ARHGAP10: variants seen among roughly 807,000 people sequenced by gnomAD.
ARHGAP10 encodes the protein Rho GTPase activating protein 10.
A neutral mutation model predicts 108.6 loss-of-function variants in ARHGAP10; 87 were observed. The ratio of observed to expected loss-of-function variants is 0.80; its 90% CI spans 0.67 to 0.96. The LOEUF is 0.96. Among genes scored for constraint, ARHGAP10 ranks in the 40% least tolerant of loss-of-function variants. The probability of loss-of-function intolerance (pLI) is 0.00; values close to 1 mark genes in which losing one functional copy is unlikely to be tolerated. For synonymous variants in ARHGAP10, 347 were observed against 341.1 expected, an observed-to-expected ratio of 1.02 and a Z score of -0.19; for missense variants, 939 against 954.5, an observed-to-expected ratio of 0.98 and a Z score of 0.21.
chr4:147,947,408 C>A (rs972169970), intron 15 of ARHGAP10, among the ~76,000 whole-genome samples: 1 of 145,182 alleles, frequency 6.9e-6, no homozygotes, highest in Non-Finnish European at 1.5e-5. Flanking sequence ...AGGACCAGTT[C>A]TTTTTTTTTT....
intron 19 of ARHGAP10, among the ~76,000 whole-genome samples, chr4:148,041,892 T>G (rs1340800897): frequency 6.6e-6 from 1 of 152,254 alleles, no homozygotes; most frequent in Non-Finnish European, 1.5e-5. Flanking sequence ...CCAGCTCTCT[T>G]GGCCGGGAGA....
intron 3 of ARHGAP10, among the ~76,000 whole-genome samples, chr4:147,826,533 A>G (rs923934750): frequency 2.0e-5 from 3 of 152,228 alleles, no homozygotes; most frequent in African/African-American, 7.2e-5. Context: ...GCCACAGCCA[A>G]CCACGGAATT....
intron 18 of ARHGAP10, among the ~76,000 whole-genome samples, chr4:147,988,404 A>G (rs1230477361): frequency 6.6e-6 from 1 of 152,092 alleles, no homozygotes; most frequent in Non-Finnish European, 1.5e-5. Context: ...GCATTCTTCC[A>G]CATCTCCTGG....
At chr4:147,745,323 C>G (rs1026706085) in intron 1 of ARHGAP10, 2 of 152,208 alleles carry the variant, frequency 1.3e-5, no homozygotes, top group East Asian at 1.9e-4. Flanking sequence ...CCAAATACTT[C>G]AAAACATTCA....
intron 13 of ARHGAP10, 59 bp from the exon 14 acceptor site, chr4:147,939,766 T>G: frequency 7.0e-7 from 1 of 1,438,356 alleles, no homozygotes; most frequent in Non-Finnish European, 9.8e-7. Context: ...TGCAACTGTT[T>G]GATGGCTTTT....
chr4:147,905,926 T>A (rs1335870261), intron 10 of ARHGAP10, among the ~76,000 whole-genome samples: 1 of 152,238 alleles, frequency 6.6e-6, no homozygotes, highest in Non-Finnish European at 1.5e-5. Flanking sequence ...TGGTTTGTAG[T>A]TCTCCTTGAA....
At chr4:147,874,590 A>G (rs1734986139) in intron 7 of ARHGAP10, among the ~76,000 whole-genome samples, 1 of 152,240 alleles carries the variant, frequency 6.6e-6, no homozygotes, top group Non-Finnish European at 1.5e-5. Flanking sequence ...GAGTATTTAC[A>G]GACTGCTAAT....
At chr4:148,014,454 A>G (rs1049014044) in intron 18 of ARHGAP10, among the ~76,000 whole-genome samples, 3 of 152,242 alleles carry the variant, frequency 2.0e-5, no homozygotes, top group South Asian at 4.1e-4. Context: ...CACACCGTGA[A>G]CATAACAGTG....
intron 1 of ARHGAP10, among the ~76,000 whole-genome samples, chr4:147,766,915 C>A (rs1222041971): frequency 6.7e-6 from 1 of 149,802 alleles, no homozygotes; most frequent in Non-Finnish European, 1.5e-5. Context: ...GTAGTGTGAT[C>A]TTGGCTCACT....
intron 1 of ARHGAP10, among the ~76,000 whole-genome samples, chr4:147,815,259 T>C (rs1317908748): frequency 6.6e-6 from 1 of 152,188 alleles, no homozygotes; most frequent in Admixed American, 6.5e-5. Flanking sequence ...GTAACCTGTG[T>C]CTGTGTCCTC....
chr4:147,830,763 G>A (rs569693056), intron 3 of ARHGAP10, among the ~76,000 whole-genome samples: 2 of 152,226 alleles, frequency 1.3e-5, no homozygotes, highest in Admixed American at 6.5e-5. Context: ...CACGTGATCT[G>A]TGCGAATTGG....
At chr4:147,956,399 C>A (rs1738786226) in intron 16 of ARHGAP10, among the ~76,000 whole-genome samples, 1 of 152,046 alleles carries the variant, frequency 6.6e-6, no homozygotes, top group African/African-American at 2.4e-5. Flanking sequence ...AGTGTGTAGG[C>A]CCCATTAGAC....
chr4:147,939,945 T>C (rs2126961710), intron 14 of ARHGAP10, 46 bp downstream of exon 14: 1 of 1,459,224 alleles, frequency 6.9e-7, no homozygotes, highest in Admixed American at 1.7e-5. Context: ...TTTGTGTATG[T>C]TCATTGACTT....
chr4:147,925,641 C>T (rs1432714671), intron 13 of ARHGAP10, among the ~76,000 whole-genome samples: 1 of 152,120 alleles, frequency 6.6e-6, no homozygotes, highest in Non-Finnish European at 1.5e-5. Flanking sequence ...AATATGGTTC[C>T]TGTTCTTAAA....
intron 19 of ARHGAP10, among the ~76,000 whole-genome samples, chr4:148,028,869 G>A (rs1727998605): frequency 6.6e-6 from 1 of 152,184 alleles, no homozygotes. Flanking sequence ...GATCAAGGCA[G>A]ATAAAGTGGA....
chr4:147,912,544 AACAAATATAT>A (rs1239751114), intron 12 of ARHGAP10, among the ~76,000 whole-genome samples: 8 of 108,592 alleles, frequency 7.4e-5, no homozygotes, highest in African/African-American at 2.6e-4. Context: ...CAAACAAACA[AACAAATATAT>A]ATATATATAT....
chr4:147,963,875 C>T (rs1050026440), intron 16 of ARHGAP10, among the ~76,000 whole-genome samples: 7 of 152,220 alleles, frequency 4.6e-5, no homozygotes, highest in Non-Finnish European at 1.0e-4. Flanking sequence ...CGCTGTGCTG[C>T]CTGTACACGG....
intron 10 of ARHGAP10, among the ~76,000 whole-genome samples, chr4:147,902,670 G>A (rs1736297550): frequency 6.6e-6 from 1 of 152,108 alleles, no homozygotes; most frequent in Non-Finnish European, 1.5e-5. Context: ...GAACCTGGGA[G>A]GTGGAGGTTG....
intron 13 of ARHGAP10, among the ~76,000 whole-genome samples, chr4:147,917,761 G>A (rs2126928528): frequency 6.6e-6 from 1 of 152,286 alleles, no homozygotes; most frequent in East Asian, 1.9e-4. Context: ...TAATTTTTAT[G>A]AATGGAGCTA....
Sources: allele counts gnomAD v4.1 joint callset (sites outside exome capture counted in the v4.1 genomes callset), GRCh38; gene constraint gnomAD v4.1.1; transcripts MANE v1.5; gene names NCBI Gene and HGNC (gene_info 2026-07-23, HGNC 2026-07-21).